ZNF713: variants seen among roughly 807,000 people sequenced by gnomAD.
ZNF713 encodes the protein zinc finger protein 713.
Under a neutral mutation model 28.7 loss-of-function variants are expected in ZNF713, and 21 were observed. The observed-to-expected ratio is 0.73, with a 90% CI of 0.52 to 1.05. The LOEUF is 1.05. Ranked by LOEUF, ZNF713 falls within the 50% of genes least tolerant of loss-of-function variation. The pLI is 0.00. For missense variants in ZNF713, 458 were observed against 532.4 expected (o/e 0.86, Z 1.37); for synonymous variants, 167 against 178.0 (o/e 0.94, Z 0.49).
Position 55,941,531 on chromosome 7 carries a change from A to G in ZNF713, c.*1525A>G, listed in dbSNP as rs1201415637. ...AGTCACATTAACTTGAAATAAACAT[A>G]AAAGAGGAATATTTCACGAACGTCA... On this transcript the variant is annotated 3_prime_UTR_variant, in exon 7 of 7. Transcript: ENST00000429591. 1.3e-5 allele frequency: 2 copies of G among 152,060 alleles called. No individual in the cohort carries two copies. The highest frequency in any genetic ancestry group is 2.9e-5 in the Non-Finnish European group (2 of 68,010). The allele number at this position is 152,060 out of a possible 1,614,324, so 9.4% of individuals were successfully genotyped here.
intron 6 of ZNF713, among the ~76,000 whole-genome samples, chr7:55,935,984 G>A (rs1319005889): frequency 6.7e-6 from 1 of 149,146 alleles, no homozygotes; most frequent in Non-Finnish European, 1.5e-5. Flanking sequence ...TCTGAGAGAG[G>A]CCAGGCATGA....
chr7:55,892,080 C>T (rs1438172405), intron 1 of ZNF713, among the ~76,000 whole-genome samples: 2 of 151,602 alleles, frequency 1.3e-5, no homozygotes, highest in Non-Finnish European at 2.9e-5. Flanking sequence ...GAGATCGAGA[C>T]CATCCTGGCT....
chr7:55,924,876 A>C (rs1015793268), intron 6 of ZNF713: 30 of 152,150 alleles, frequency 2.0e-4, no homozygotes, highest in African/African-American at 7.0e-4. Flanking sequence ...TCCATCTCAA[A>C]AATAAAAAAA....
chr7:55,903,562 G>T (rs971735958), intron 1 of ZNF713, among the ~76,000 whole-genome samples: 2 of 151,754 alleles, frequency 1.3e-5, no homozygotes, highest in Admixed American at 6.6e-5. Context: ...AGCCACTTGG[G>T]AGGCTGAGGC....
intron 6 of ZNF713, among the ~76,000 whole-genome samples, chr7:55,932,100 A>G (rs1457252144): frequency 6.6e-6 from 1 of 152,252 alleles, no homozygotes; most frequent in Non-Finnish European, 1.5e-5. Flanking sequence ...CTTCTCAATC[A>G]GGTATAACTG....
intron 6 of ZNF713, among the ~76,000 whole-genome samples, chr7:55,925,230 G>A (rs114493100): frequency 0.014 from 2,069 of 152,198 alleles, 47 homozygotes; most frequent in African/African-American, 0.047. Flanking sequence ...TCATCGTTTG[G>A]ACTTGGTTTT....
chr7:55,888,122 GA>G (rs1019838819), intron 1 of ZNF713, among the ~76,000 whole-genome samples: 1 of 152,036 alleles, frequency 6.6e-6, no homozygotes, highest in Non-Finnish European at 1.5e-5. Flanking sequence ...CATTTTGGGG[GA>G]AAGTTTTTCC....
chr7:55,893,500 A>G (rs917797933), intron 1 of ZNF713, among the ~76,000 whole-genome samples: 1 of 152,160 alleles, frequency 6.6e-6, no homozygotes, highest in Non-Finnish European at 1.5e-5. Flanking sequence ...GCCAGTTATT[A>G]TACAGAAGGC....
intron 6 of ZNF713, among the ~76,000 whole-genome samples, chr7:55,925,818 C>G (rs1331473262): frequency 1.3e-5 from 2 of 152,056 alleles, no homozygotes; most frequent in Non-Finnish European, 2.9e-5. Context: ...TCCACATCCC[C>G]AAACCTGGGG....
At chr7:55,931,056 TG>T (rs1280750575) in intron 6 of ZNF713, among the ~76,000 whole-genome samples, 1 of 152,108 alleles carries the variant, frequency 6.6e-6, no homozygotes, top group Admixed American at 6.6e-5. Flanking sequence ...GGAGACGAGG[TG>T]GGTGGATCAC....
At position 55,940,113 on chromosome 7, in the gene ZNF713, A is replaced by G; in HGVS notation, c.*107A>G. On this transcript the variant is annotated 3_prime_UTR_variant, in exon 7 of 7. Transcript: ENST00000429591. ...TATTCATAGTGGAGAGAAAGCTTAT[A>G]CATAAATTTTTGTTTTGTTTTGTTT... 1 of 1,449,616 alleles carries G rather than the reference A, an allele frequency of 6.9e-7. No individual in the cohort carries two copies. The highest frequency in any genetic ancestry group is 9.0e-7 in the Non-Finnish European group (1 of 1,107,660). 89.8% of individuals were successfully genotyped at this position (1,449,616 alleles called of 1,614,324 possible). A position where few individuals can be genotyped will look rare whatever the true frequency, so the allele number is the denominator to read the frequency against.
intron 1 of ZNF713, among the ~76,000 whole-genome samples, chr7:55,891,159 TAGA>T (rs1300761385): frequency 6.6e-6 from 1 of 152,164 alleles, no homozygotes; most frequent in East Asian, 1.9e-4. Context: ...TGTGGACAAT[TAGA>T]AGTTTATATA....
chr7:55,888,907 C>G (rs1035029241), intron 1 of ZNF713, among the ~76,000 whole-genome samples: 1 of 151,788 alleles, frequency 6.6e-6, no homozygotes, highest in Non-Finnish European at 1.5e-5. Flanking sequence ...AAAAATTAAC[C>G]GGACTTGGTG....
chr7:55,912,905 C>T (rs1785811427), intron 4 of ZNF713, among the ~76,000 whole-genome samples, 182 bp downstream of exon 4: 1 of 152,220 alleles, frequency 6.6e-6, no homozygotes. Context: ...TAGCTCTTCC[C>T]TCCTTCCAGC....
intron 6 of ZNF713, among the ~76,000 whole-genome samples, chr7:55,929,623 C>T (rs999521233): frequency 2.2e-4 from 34 of 151,894 alleles, no homozygotes; most frequent in African/African-American, 8.0e-4. Context: ...GGTGCAGTGG[C>T]GCACACCTGT....
At position 55,887,697 on chromosome 7, in the gene ZNF713, A is replaced by AGGAGGCGGAGGCG. The variant is rs1785274948; in HGVS notation, c.-583+33_-583+45dup. On this transcript the variant is annotated intron_variant, in intron 1 of 6. Transcript: ENST00000429591. ...TCTGCGGAGGTGAGTGCGCGCCGGG[A>AGGAGGCGGAGGCG]GGAGGCGGAGGCGGGAGGCGGAGGC... The AGGAGGCGGAGGCG allele has an allele frequency of 2.4e-5, 2 of 84,586 alleles. No homozygotes were observed. Among genetic ancestry groups the AGGAGGCGGAGGCG allele is most frequent in the Non-Finnish European group, 5.0e-5 (2 of 40,170 alleles). 5.2% of individuals were successfully genotyped at this position (84,586 alleles called of 1,614,324 possible).
chr7:55,897,213 T>G (rs1225558444), intron 1 of ZNF713, among the ~76,000 whole-genome samples: 1 of 151,900 alleles, frequency 6.6e-6, no homozygotes, highest in African/African-American at 2.4e-5. Flanking sequence ...TTAATGGGTT[T>G]GAGAAGCAAG....
intron 6 of ZNF713, among the ~76,000 whole-genome samples, chr7:55,925,723 C>T (rs1387087715): frequency 6.6e-6 from 1 of 152,174 alleles, no homozygotes; most frequent in Non-Finnish European, 1.5e-5. Context: ...TGCTCACATT[C>T]CATGAATAGA....
chr7:55,923,406 C>A, intron 5 of ZNF713, 118 bp downstream of exon 5: 1 of 1,386,648 alleles, frequency 7.2e-7, no homozygotes, highest in South Asian at 1.4e-5. Context: ...GAATGCTAAT[C>A]AGTTTTGGAG....
Sources: gnomAD v4.1 joint callset for allele counts (sites outside exome capture counted in the v4.1 genomes callset) on GRCh38, gnomAD v4.1.1 for gene constraint, MANE v1.5 for transcripts, NCBI Gene and HGNC (gene_info 2026-07-23, HGNC 2026-07-21) for gene names.